The following RBFOX1 variants were observed in gnomAD, a reference collection of about 807,000 sequenced individuals.
RBFOX1 encodes the protein RNA binding fox-1 homolog 1.
In RBFOX1, 8 loss-of-function variants were observed where a neutral mutation model predicts 57.7. The observed-to-expected ratio is 0.14, with a 90% CI of 0.08 to 0.25. The LOEUF is 0.25. RBFOX1 is among the 10% of genes least tolerant of loss of function. The probability of loss-of-function intolerance (pLI) is 1.00; values close to 1 mark genes in which losing one functional copy is unlikely to be tolerated. For missense variants in RBFOX1, 611 were observed against 548.5 expected (o/e 1.11, Z -1.14); for synonymous variants, 326 against 222.4 (o/e 1.47, Z -4.15).
At chr16:6,638,245 T>C (rs538143883) in intron 2 of RBFOX1, among the ~76,000 whole-genome samples, 54 of 152,260 alleles carry the variant, frequency 3.5e-4, no homozygotes, top group African/African-American at 1.3e-3. Context: ...ACCAGACAAA[T>C]GTAATTATCC....
At chr16:5,814,125 C>T (rs564283090) in intron 3 of RBFOX1, among the ~76,000 whole-genome samples, 1 of 152,200 alleles carries the variant, frequency 6.6e-6, no homozygotes, top group South Asian at 2.1e-4. Context: ...AAGATGGTAC[C>T]TTCCCCTCTC....
chr16:7,345,504 A>G (rs759462049), intron 4 of RBFOX1, among the ~76,000 whole-genome samples: 10 of 152,170 alleles, frequency 6.6e-5, no homozygotes, highest in Non-Finnish European at 1.2e-4. Context: ...GACAGTTCCC[A>G]CTGTGACTTA....
intron 3 of RBFOX1, among the ~76,000 whole-genome samples, chr16:6,791,872 C>G (rs368058527): frequency 4.6e-5 from 7 of 152,152 alleles, no homozygotes; most frequent in Non-Finnish European, 8.8e-5. Context: ...TTAAGTAACT[C>G]TTGTTTAATA....
intron 2 of RBFOX1, among the ~76,000 whole-genome samples, chr16:6,350,475 A>C (rs1186000766): frequency 9.7e-6 from 1 of 103,590 alleles, no homozygotes; most frequent in Non-Finnish European, 2.0e-5. Context: ...AAAAAAAAAA[A>C]AAAAAAAAAA....
chr16:6,298,077 C>T (rs113336409), intron 1 of RBFOX1, among the ~76,000 whole-genome samples: 1 of 152,230 alleles, frequency 6.6e-6, no homozygotes, highest in Non-Finnish European at 1.5e-5. Flanking sequence ...CTTGTTAACA[C>T]TTAAGCCATC....
At chr16:6,637,940 C>T (rs1156480932) in intron 2 of RBFOX1, among the ~76,000 whole-genome samples, 1 of 152,088 alleles carries the variant, frequency 6.6e-6, no homozygotes, top group Non-Finnish European at 1.5e-5. Flanking sequence ...GACAAAGTCT[C>T]TGTGCTTCAG....
intron 11 of RBFOX1, among the ~76,000 whole-genome samples, chr16:7,637,793 G>A (rs1597065301): frequency 6.6e-6 from 1 of 152,148 alleles, no homozygotes; most frequent in Non-Finnish European, 1.5e-5. Context: ...CTAGCTCCGG[G>A]ACTAGGGTAA....
intron 3 of RBFOX1, among the ~76,000 whole-genome samples, chr16:6,771,238 C>G (rs1319588262): frequency 6.6e-6 from 1 of 152,158 alleles, no homozygotes; most frequent in Non-Finnish European, 1.5e-5. Flanking sequence ...CTTCTACCCT[C>G]CAGAATTGTG....
chr16:5,828,408 G>A (rs1456108156), intron 3 of RBFOX1, among the ~76,000 whole-genome samples: 1 of 152,114 alleles, frequency 6.6e-6, no homozygotes, highest in African/African-American at 2.4e-5. Flanking sequence ...TAGAAATAAA[G>A]GATGAAAAAA....
At chr16:7,248,918 G>A (rs560749016) in intron 4 of RBFOX1, among the ~76,000 whole-genome samples, 2 of 152,212 alleles carry the variant, frequency 1.3e-5, no homozygotes, top group Non-Finnish European at 2.9e-5. Context: ...AACAGCCATC[G>A]CCCAAGAAAG....
At chr16:6,149,450 C>A (rs984820938) in intron 1 of RBFOX1, among the ~76,000 whole-genome samples, 3 of 152,200 alleles carry the variant, frequency 2.0e-5, no homozygotes, top group Admixed American at 1.3e-4. Flanking sequence ...TAATGCTTTG[C>A]TTTTACCATC....
intron 5 of RBFOX1, among the ~76,000 whole-genome samples, chr16:7,526,652 T>C (rs2078775417): frequency 6.6e-6 from 1 of 152,206 alleles, no homozygotes; most frequent in African/African-American, 2.4e-5. Context: ...ATAGGGTGAA[T>C]AGTTACATCG....
chr16:7,616,453 C>T (rs904428194), intron 10 of RBFOX1, among the ~76,000 whole-genome samples: 1 of 152,224 alleles, frequency 6.6e-6, no homozygotes, highest in Admixed American at 6.5e-5. Context: ...TCTCAAACCT[C>T]AGCCCATGCT....
At chr16:5,776,649 G>A (rs1366224570) in intron 3 of RBFOX1, among the ~76,000 whole-genome samples, 1 of 152,224 alleles carries the variant, frequency 6.6e-6, no homozygotes, top group Non-Finnish European at 1.5e-5. Context: ...AATGGTGTGG[G>A]TGTTAGTATT....
intron 4 of RBFOX1, among the ~76,000 whole-genome samples, chr16:5,875,077 A>G (rs76814483): frequency 0.13 from 19,315 of 152,262 alleles, 1,668 homozygotes; most frequent in Non-Finnish European, 0.18. Context: ...GCAAGCTGAC[A>G]TCCAAAAGCA....
intron 1 of RBFOX1, among the ~76,000 whole-genome samples, chr16:6,142,100 C>G (rs1328025388): frequency 7.0e-6 from 1 of 141,952 alleles, no homozygotes; most frequent in African/African-American, 2.7e-5. Context: ...TTGCTTCTGG[C>G]CTGTCTTACT....
intron 2 of RBFOX1, among the ~76,000 whole-genome samples, chr16:5,597,354 C>G (rs1489497817): frequency 1.3e-5 from 2 of 150,288 alleles, no homozygotes; most frequent in Admixed American, 6.6e-5. Flanking sequence ...CTCTCTCTGC[C>G]CAGGAAGTTA....
intron 3 of RBFOX1, among the ~76,000 whole-genome samples, chr16:6,889,050 A>C (rs778187034): frequency 1.3e-5 from 2 of 152,064 alleles, no homozygotes; most frequent in Non-Finnish European, 2.9e-5. Context: ...CTCAAATTTG[A>C]TTGTATTTTT....
chr16:5,479,614 C>T (rs141201739), intron 2 of RBFOX1, among the ~76,000 whole-genome samples: 10 of 145,280 alleles, frequency 6.9e-5, no homozygotes, highest in South Asian at 2.1e-4. Flanking sequence ...CAAAAATTAG[C>T]TGCGTGTGGT....
Sources: allele counts gnomAD v4.1 joint callset (sites outside exome capture counted in the v4.1 genomes callset), GRCh38; gene constraint gnomAD v4.1.1; transcripts MANE v1.5; gene names NCBI Gene and HGNC (gene_info 2026-07-23, HGNC 2026-07-21).